The following TTLL1 variants were observed in gnomAD, a reference collection of about 807,000 sequenced individuals.
TTLL1 encodes polyglutamylase complex subunit TTLL1.
In TTLL1, 33 loss-of-function variants were observed where a neutral mutation model predicts 47.8. The observed-to-expected ratio is 0.69, with a 90% CI of 0.52 to 0.92. The LOEUF is 0.92. Ranked by LOEUF, TTLL1 falls within the 40% of genes least tolerant of loss-of-function variation. The pLI is 0.00. For synonymous variants in TTLL1, 225 were observed against 214.1 expected (o/e 1.05, Z -0.45); for missense variants, 488 against 547.5 (o/e 0.89, Z 1.08).
At position 43,059,538 on chromosome 22, in the gene TTLL1, G is replaced by T. The variant is rs1457659020; in HGVS notation, c.748-11C>A. ...GTGGTTGTAGTCCTCCTGGTGACGG[G>T]AAAGCGGGCAGGCATCCCTCAGGCT... On this transcript the variant is annotated splice_polypyrimidine_tract_variant and intron_variant, in intron 7 of 10. Transcript: ENST00000266254. 3.7e-6 allele frequency: 6 copies of T among 1,609,780 alleles called. No individual in the cohort carries two copies. In the African/African-American group the frequency reaches 6.7e-5, roughly 18 times the overall value.
At chr22:43,050,360 G>A (rs1157447252) in intron 9 of TTLL1, among the ~76,000 whole-genome samples, 2 of 151,504 alleles carry the variant, frequency 1.3e-5, no homozygotes, top group African/African-American at 4.9e-5. Context: ...AGGTTGCAGT[G>A]AGCCGAGATC....
intron 3 of TTLL1, among the ~76,000 whole-genome samples, chr22:43,071,519 C>G (rs1928121400): frequency 6.6e-6 from 1 of 152,192 alleles, no homozygotes; most frequent in Non-Finnish European, 1.5e-5. Flanking sequence ...GAGCCATTCT[C>G]CTGCCTCAGC....
chr22:43,069,581 A>T, intron 4 of TTLL1, 55 bp downstream of exon 4: 1 of 1,611,022 alleles, frequency 6.2e-7, no homozygotes, highest in South Asian at 1.1e-5. Context: ...CTCGCGCCCC[A>T]AAGAAAAAAT....
intron 1 of TTLL1, among the ~76,000 whole-genome samples, chr22:43,083,799 C>T (rs1929054213): frequency 6.6e-6 from 1 of 152,044 alleles, no homozygotes; most frequent in African/African-American, 2.4e-5. Flanking sequence ...CTGGCTTAGG[C>T]TAATTAGGAT....
At chr22:43,057,556 A>G (rs1173451269) in intron 8 of TTLL1, among the ~76,000 whole-genome samples, 1 of 152,102 alleles carries the variant, frequency 6.6e-6, no homozygotes, top group Admixed American at 6.6e-5. Context: ...TTTGTAAAGC[A>G]CCTTTGTTAA....
intron 10 of TTLL1, among the ~76,000 whole-genome samples, chr22:43,043,736 C>T (rs966041072): frequency 6.6e-6 from 1 of 152,108 alleles, no homozygotes; most frequent in Non-Finnish European, 1.5e-5. Flanking sequence ...CTCCCACCCC[C>T]CATACTCCTG....
intron 3 of TTLL1, among the ~76,000 whole-genome samples, chr22:43,074,567 A>AC (rs1928359590): frequency 6.6e-6 from 1 of 152,060 alleles, no homozygotes; most frequent in South Asian, 2.1e-4. Context: ...AAGGCTGGGT[A>AC]CAGTGGCTCA....
chr22:43,075,257 A>G (rs1928407304), intron 3 of TTLL1, among the ~76,000 whole-genome samples: 1 of 151,460 alleles, frequency 6.6e-6, no homozygotes, highest in South Asian at 2.1e-4. Context: ...TGCTGTGCTG[A>G]AACACCCCGG....
At chr22:43,078,100 C>A (rs1928628254) in intron 2 of TTLL1, among the ~76,000 whole-genome samples, 1 of 151,556 alleles carries the variant, frequency 6.6e-6, no homozygotes, top group African/African-American at 2.4e-5. Context: ...GAGTGAGACC[C>A]TGTCTTAAAA....
intron 2 of TTLL1, among the ~76,000 whole-genome samples, chr22:43,076,001 A>G (rs569977557): frequency 6.6e-6 from 1 of 152,326 alleles, no homozygotes; most frequent in East Asian, 1.9e-4. Flanking sequence ...TGGGGCTCTG[A>G]GAGCCGCAGA....
At chr22:43,062,206 G>C (rs1045904269) in intron 7 of TTLL1, among the ~76,000 whole-genome samples, 1 of 152,098 alleles carries the variant, frequency 6.6e-6, no homozygotes, top group Non-Finnish European at 1.5e-5. Flanking sequence ...GTTGAAAGTA[G>C]ATTTGGCCGG....
At chr22:43,082,586 C>T (rs1254182591) in intron 1 of TTLL1, among the ~76,000 whole-genome samples, 1 of 151,000 alleles carries the variant, frequency 6.6e-6, no homozygotes, top group African/African-American at 2.4e-5. Flanking sequence ...CATGGTGGTG[C>T]GCGCCTGTGA....
In TTLL1 at chr22:43,075,486, C is replaced by G; in HGVS notation, c.101G>C (p.Trp34Ser). The G allele has an allele frequency of 6.2e-7, 1 of 1,614,104 alleles. No individual in the cohort carries two copies. Among genetic ancestry groups the G allele is most frequent in the Non-Finnish European group, 8.5e-7 (1 of 1,179,948 alleles). The change falls in exon 3 of 11, where the codon TGG becomes TCG. Residue 34 changes from tryptophan (W) to serine (S), a missense_variant. Coordinates refer to ENST00000266254, the MANE Select transcript of TTLL1 (RefSeq NM_012263.5). ...TGTGTATGCTTACCAGTAAAAATTC[C>G]AGTCCTCGTTTTCTGTCACTTGGAC... ...GWVQVTENEDWNFYWMSVQTI... is the reference protein window; with the variant it reads ...GWVQVTENEDSNFYWMSVQTI...
In TTLL1 at chr22:43,063,853, A is replaced by G. The variant is rs751037439; in HGVS notation, c.707T>C (p.Met236Thr). Residue 236 changes from methionine (M) to threonine (T), a missense_variant, in exon 7 of 11, where the codon ATG (methionine) becomes ACG (threonine). Transcript: ENST00000266254. ...GGCGACGTTGGTGAGATGAACGAAC[A>G]TGTTGTCCAGCTCACTGGTACTCGG... is the stretch of plus-strand genomic sequence containing the variant. ...YTPSTSELDN[M>T]FVHLTNVAIQ... The G allele has an allele frequency of 1.7e-5, 27 of 1,613,962 alleles. No homozygotes were observed. In the East Asian group the frequency reaches 4.5e-4, roughly 27 times the overall value.
chr22:43,071,944 G>A (rs970367062), intron 3 of TTLL1, among the ~76,000 whole-genome samples: 3 of 152,126 alleles, frequency 2.0e-5, no homozygotes, highest in Admixed American at 6.5e-5. Flanking sequence ...GCTGTGGCAC[G>A]AGGGCTTCAG....
rs1468977562 is a variant in TTLL1 at position 43,075,544 on chromosome 22, C to T, written c.43G>A (p.Val15Met). Reference protein sequence around the residue: ...VKWVTDIEKSVLINNFEKRGW... With the variant: ...VKWVTDIEKSMLINNFEKRGW... ...CTCTTTTCAAAGTTATTGATCAGCACTGACTTCTCGATATCAGTGACCCAT... is the reference window on the plus strand; with the variant it reads ...CTCTTTTCAAAGTTATTGATCAGCATTGACTTCTCGATATCAGTGACCCAT... Residue 15 changes from valine (V) to methionine (M), a missense_variant, in exon 3 of 11, where the codon GTG becomes ATG. By Grantham distance (21) the Val-to-Met change is conservative. Transcript: ENST00000266254. 6.2e-7 allele frequency: 1 copy of T among 1,614,228 alleles called. No individual in the cohort carries two copies. The highest frequency in any genetic ancestry group is 1.1e-5 in the South Asian group (1 of 91,088).
chr22:43,057,572 T>G (rs1927101062), intron 8 of TTLL1, among the ~76,000 whole-genome samples: 1 of 152,156 alleles, frequency 6.6e-6, no homozygotes, highest in Non-Finnish European at 1.5e-5. Flanking sequence ...GTTAAAAGAA[T>G]GGGAAGTATC....
chr22:43,056,357 C>CAAAAAAAAAAAATTGA (rs1927004739), intron 8 of TTLL1, among the ~76,000 whole-genome samples: 4 of 68,694 alleles, frequency 5.8e-5, no homozygotes, highest in Non-Finnish European at 1.2e-4. Context: ...GACTCTGTCT[C>CAAAAAAAAAAAATTGA]AAAAAAAAAA....
chr22:43,084,781 A>G (rs5759153), intron 1 of TTLL1, among the ~76,000 whole-genome samples: 106,306 of 151,724 alleles, frequency 0.7, 38,256 homozygotes, highest in Middle Eastern at 0.85. Flanking sequence ...GATTACAGGC[A>G]TGAGCCACTG....
Sources: allele counts gnomAD v4.1 joint callset (sites outside exome capture counted in the v4.1 genomes callset), GRCh38; gene constraint gnomAD v4.1.1; transcripts MANE v1.5; gene names NCBI Gene and HGNC (gene_info 2026-07-23, HGNC 2026-07-21).